The following PCYOX1 variants were observed in gnomAD, a reference collection of about 807,000 sequenced individuals.
PCYOX1 encodes prenylcysteine oxidase 1, also known as prenylcysteine lyase.
A neutral mutation model predicts 46.4 loss-of-function variants in PCYOX1; 46 were observed. That is an observed-to-expected ratio of 0.99 (90% CI 0.78 to 1.27). The LOEUF (loss-of-function observed/expected upper bound fraction) is 1.27. Among genes scored for constraint, PCYOX1 ranks in the 50% most tolerant of loss-of-function variants. The pLI, the probability that PCYOX1 is intolerant of heterozygous loss-of-function variation, is 0.00. For missense variants in PCYOX1, 658 were observed against 628.3 expected, an observed-to-expected ratio of 1.05 and a Z score of -0.51; for synonymous variants, 220 against 231.8, an observed-to-expected ratio of 0.95 and a Z score of 0.46.
chr2:70,277,974 A>T lies in PCYOX1; in HGVS notation c.*582A>T, dbSNP rs1217411218. ...TCTTCAGTCAGATAAAATTTATGGG[A>T]GCTGGTGTCTTATGCCTGACTCTTA... On this transcript the variant is annotated 3_prime_UTR_variant, in exon 6 of 6. Coordinates refer to ENST00000433351, the MANE Select transcript of PCYOX1 (RefSeq NM_016297.4). 6.6e-6 allele frequency: 1 copy of T among 152,270 alleles called. No individual in the cohort carries two copies. The highest frequency in any genetic ancestry group is 1.5e-5 in the Non-Finnish European group (1 of 68,130). The allele number at this position is 152,270 out of a possible 1,614,324, so 9.4% of individuals were successfully genotyped here. A position where few individuals can be genotyped will look rare whatever the true frequency, so the allele number is the denominator to read the frequency against.
intron 3 of PCYOX1, among the ~76,000 whole-genome samples, chr2:70,269,890 AC>A (rs1431217983): frequency 6.6e-6 from 1 of 152,232 alleles, no homozygotes; most frequent in Non-Finnish European, 1.5e-5. Context: ...TTTGGGAGCT[AC>A]AAACTCGTTG....
chr2:70,265,281 C>T, intron 3 of PCYOX1, among the ~76,000 whole-genome samples: 1 of 149,360 alleles, frequency 6.7e-6, no homozygotes, highest in East Asian at 2.0e-4. Flanking sequence ...CAGCTCACTG[C>T]AGCTTTGACC....
intron 1 of PCYOX1, among the ~76,000 whole-genome samples, chr2:70,258,922 C>A (rs565535921): frequency 3.9e-5 from 6 of 152,224 alleles, no homozygotes; most frequent in South Asian, 2.1e-4. Context: ...CTCCCGCCCC[C>A]CTTTAAAGTT....
intron 3 of PCYOX1, among the ~76,000 whole-genome samples, chr2:70,272,762 G>C (rs1210952208): frequency 6.6e-6 from 1 of 151,976 alleles, no homozygotes; most frequent in Non-Finnish European, 1.5e-5. Flanking sequence ...GCAGTGGTGT[G>C]ATCTTGACTT....
chr2:70,275,403 T>A (rs768392380), intron 4 of PCYOX1, 111 bp from the exon 5 acceptor site: 18 of 1,171,294 alleles, frequency 1.5e-5, no homozygotes, highest in Non-Finnish European at 1.8e-5. Flanking sequence ...AGGGGCCATT[T>A]AGCAATGTCT....
chr2:70,262,787 C>T (rs1410784868), intron 3 of PCYOX1, among the ~76,000 whole-genome samples: 4 of 152,088 alleles, frequency 2.6e-5, no homozygotes, highest in African/African-American at 9.7e-5. Flanking sequence ...CTAGCACATG[C>T]TAATTTTTAT....
intron 1 of PCYOX1, among the ~76,000 whole-genome samples, chr2:70,258,770 G>C (rs1187215327): frequency 6.6e-6 from 1 of 152,182 alleles, no homozygotes; most frequent in Non-Finnish European, 1.5e-5. Context: ...GCTCCGCTTT[G>C]CTGAGGTCGG....
Position 70,277,245 on chromosome 2 carries a change from C to G in PCYOX1, c.1371C>G (p.Leu457=). 1 of 1,614,162 alleles carries G rather than the reference C, an allele frequency of 6.2e-7. No homozygotes were observed. Among genetic ancestry groups the G allele is most frequent in the Middle Eastern group, 1.6e-4 (1 of 6,062 alleles). The stretch of plus-strand genomic sequence containing the variant: ...TTCTCCATGATCGACTTTATTACCT[C>G]AATGGCATAGAGTGTGCAGCAAGTG... ...SIILHDRLYY[L]NGIECAASAM... Residue 457 remains leucine (L), a synonymous_variant, in exon 6 of 6, where the codon CTC becomes CTG. Transcript: ENST00000433351.
upstream of PCYOX1, chr2:70,258,013 C>A: frequency 5.7e-6 from 3 of 524,458 alleles, no homozygotes; most frequent in Non-Finnish European, 9.5e-6. Flanking sequence ...TTGAGAGGAC[C>A]GGCGGGGCGA....
intron 3 of PCYOX1, among the ~76,000 whole-genome samples, chr2:70,273,897 G>A (rs1696633298): frequency 6.6e-6 from 1 of 152,328 alleles, no homozygotes; most frequent in South Asian, 2.1e-4. Flanking sequence ...GGCTTCTGGA[G>A]ATGATATAAC....
In PCYOX1 at chr2:70,277,437, G is replaced by A; in HGVS notation, c.*45G>A. ...CCCTCCTAGTTCCAAATGACTATCA[G>A]TGGCAAAAAAGAACAAAATCTGAGC... is the stretch of plus-strand genomic sequence containing the variant. On this transcript the variant is annotated 3_prime_UTR_variant, in exon 6 of 6. Coordinates refer to ENST00000433351, the MANE Select transcript of PCYOX1 (RefSeq NM_016297.4). 1 of 1,474,584 alleles carries A rather than the reference G, an allele frequency of 6.8e-7. No homozygotes were observed. Among genetic ancestry groups the A allele is most frequent in the Non-Finnish European group, 9.2e-7 (1 of 1,088,178 alleles). The allele number at this position is 1,474,584 out of a possible 1,614,324, so 91.3% of individuals were successfully genotyped here. A position where few individuals can be genotyped will look rare whatever the true frequency, so the allele number is the denominator to read the frequency against.
chr2:70,262,038 A>G (rs959323089), intron 3 of PCYOX1, among the ~76,000 whole-genome samples: 4 of 152,110 alleles, frequency 2.6e-5, no homozygotes, highest in African/African-American at 9.7e-5. Flanking sequence ...ATATTTAAAC[A>G]GTTTTTTTAA....
chr2:70,274,969 T>C lies in PCYOX1; in HGVS notation c.505T>C (p.Tyr169His). Residue 169 changes from tyrosine (Y) to histidine (H), a missense_variant, in exon 4 of 6, where the codon TAC becomes CAC. Tyr to His is a moderately conservative substitution (Grantham distance 83, BLOSUM62 2). Transcript: ENST00000433351. ...TCTTCTTTTCCAAAGGATCTACCGC[T>C]ACCAGTCTCATGACTATGCCTTCAG... ...VLDKFMRIYR[Y>H]QSHDYAFSSV... is the part of the protein sequence containing the mutation. 6.3e-7 allele frequency: 1 copy of C among 1,597,966 alleles called. No individual in the cohort carries two copies. The highest frequency in any genetic ancestry group is 8.6e-7 in the Non-Finnish European group (1 of 1,165,106).
At chr2:70,263,961 C>CTTTTTTTTT (rs768464001) in intron 3 of PCYOX1, among the ~76,000 whole-genome samples, 1 of 112,328 alleles carries the variant, frequency 8.9e-6, no homozygotes, top group Non-Finnish European at 1.8e-5. Flanking sequence ...GCCCGGCCCT[C>CTTTTTTTTT]TTTTTTTTTT....
At chr2:70,272,178 G>A (rs1213273441) in intron 3 of PCYOX1, among the ~76,000 whole-genome samples, 1 of 147,878 alleles carries the variant, frequency 6.8e-6, no homozygotes, top group Non-Finnish European at 1.5e-5. Context: ...CAAGGCTAGA[G>A]TGCAGTGGCA....
At position 70,280,285 on chromosome 2, in the gene PCYOX1, G is replaced by T. The variant is rs919396131; in HGVS notation, c.*2893G>T. Reference sequence around the variant, plus strand: ...CCTAGCAGAACCTGCTACTCTGGGCGCATTAGGTAGTTTTATGCAACTATA... The same window carrying T: ...CCTAGCAGAACCTGCTACTCTGGGCTCATTAGGTAGTTTTATGCAACTATA... On this transcript the variant is annotated 3_prime_UTR_variant, in exon 6 of 6. Transcript: ENST00000433351. The T allele has an allele frequency of 2.0e-5, 3 of 152,098 alleles. No individual in the cohort carries two copies. Among genetic ancestry groups the T allele is most frequent in the African/African-American group, 7.2e-5 (3 of 41,404 alleles). The allele number at this position is 152,098 out of a possible 1,614,324, so 9.4% of individuals were successfully genotyped here.
intron 3 of PCYOX1, among the ~76,000 whole-genome samples, chr2:70,272,594 C>G (rs1398768297): frequency 6.6e-6 from 1 of 152,148 alleles, no homozygotes; most frequent in African/African-American, 2.4e-5. Flanking sequence ...TGCCCCTGGG[C>G]TTAAGTGATC....
At chr2:70,262,714 C>T (rs959683187) in intron 3 of PCYOX1, among the ~76,000 whole-genome samples, 23 of 150,432 alleles carry the variant, frequency 1.5e-4, no homozygotes, top group South Asian at 4.3e-4. Context: ...CTCCTGACCT[C>T]GTGATCCGCC....
chr2:70,260,559 A>G (rs1387466529), intron 2 of PCYOX1, among the ~76,000 whole-genome samples: 1 of 152,184 alleles, frequency 6.6e-6, no homozygotes, highest in Non-Finnish European at 1.5e-5. Context: ...CACCACCAAC[A>G]AAACAAACTC....
Sources: allele counts gnomAD v4.1 joint callset (sites outside exome capture counted in the v4.1 genomes callset), GRCh38; gene constraint gnomAD v4.1.1; transcripts MANE v1.5; gene names NCBI Gene and HGNC (gene_info 2026-07-23, HGNC 2026-07-21).